KCNQ1: variants seen among roughly 807,000 people sequenced by gnomAD.
KCNQ1 encodes the protein potassium voltage-gated channel subfamily Q member 1, also known as potassium voltage-gated channel subfamily KQT member 1.
In KCNQ1, 49 loss-of-function variants were observed where a neutral mutation model predicts 72.4. The ratio of observed to expected loss-of-function variants is 0.68; its 90% confidence interval spans 0.54 to 0.86. The LOEUF is 0.86. KCNQ1 is among the 40% of genes least tolerant of loss of function. The probability of loss-of-function intolerance (pLI) is 0.00; values close to 1 mark genes in which losing one functional copy is unlikely to be tolerated. For synonymous variants in KCNQ1, 450 were observed against 412.6 expected (o/e 1.09, Z -1.10); for missense variants, 790 against 945.1 (o/e 0.84, Z 2.15).
In KCNQ1 at chr11:2,612,537, T is replaced by C. The variant is rs2133792641; in HGVS notation, c.1393+23683T>C. 7 of 398,638 alleles carry C rather than the reference T, an allele frequency of 1.8e-5. No homozygotes were observed. Among genetic ancestry groups the C allele is most frequent in the Non-Finnish European group, 3.1e-5 (7 of 226,056 alleles). 24.7% of individuals were successfully genotyped at this position (398,638 alleles called of 1,614,324 possible). A position where few individuals can be genotyped will look rare whatever the true frequency, so the allele number is the denominator to read the frequency against. On this transcript the variant is annotated intron_variant, in intron 10 of 15. Coordinates refer to ENST00000155840, the MANE Select transcript of KCNQ1 (RefSeq NM_000218.3). This position sits in a 1 kb window ranked among gnomAD's most constrained non-coding sequence, Gnocchi z 5.5. The stretch of plus-strand genomic sequence containing the variant: ...GGTCAAATTTGCTTAGCCGCACTAG[T>C]GAGTTTTTCACCTAAGTTATTATAT...
At chr11:2,555,260 G>A (rs1335819323) in intron 2 of KCNQ1, among the ~76,000 whole-genome samples, 2 of 152,148 alleles carry the variant, frequency 1.3e-5, no homozygotes, top group Non-Finnish European at 2.9e-5. Flanking sequence ...TAGAAGCTTC[G>A]GCTCCTGGCA....
intron 6 of KCNQ1, among the ~76,000 whole-genome samples, chr11:2,576,937 G>C (rs567301101): frequency 6.6e-6 from 1 of 152,220 alleles, no homozygotes; most frequent in Non-Finnish European, 1.5e-5. Flanking sequence ...CTGCCCTACT[G>C]AGTGGGCCTG....
At chr11:2,472,029 TGTG>T (rs1444805716) in intron 1 of KCNQ1, among the ~76,000 whole-genome samples, 1 of 149,862 alleles carries the variant, frequency 6.7e-6, no homozygotes, top group Non-Finnish European at 1.5e-5. Context: ...TATGTATGGT[TGTG>T]TGTGTATAGG....
At chr11:2,727,501 G>A (rs1018297216) in intron 11 of KCNQ1, among the ~76,000 whole-genome samples, 1 of 152,208 alleles carries the variant, frequency 6.6e-6, no homozygotes, top group African/African-American at 2.4e-5. Flanking sequence ...AAGAGGAGGA[G>A]GAGGTTGCCT....
At position 2,777,625 on chromosome 11, in the gene KCNQ1, G is replaced by T. The variant is rs536945912; in HGVS notation, c.1733-351G>T. On this transcript the variant is annotated intron_variant, in intron 14 of 15. Transcript: ENST00000155840. ...GGCTGGTGTAACGGAGCAGCGGAAT[G>T]GCTGTGCCCCCAGCCTGGAGTCAGG... 23 of 580,264 alleles carry T rather than the reference G, an allele frequency of 4.0e-5. No homozygotes were observed. The East Asian group carries it at 5.4e-4, about 14-fold the overall frequency. 35.9% of individuals were successfully genotyped at this position (580,264 alleles called of 1,614,324 possible). A position where few individuals can be genotyped will look rare whatever the true frequency, so the allele number is the denominator to read the frequency against.
intron 10 of KCNQ1, chr11:2,615,778 G>C: frequency 2.5e-6 from 1 of 397,852 alleles, no homozygotes; most frequent in African/African-American, 2.1e-5. Context: ...TGCTGAATTT[G>C]GCTTACTAGT....
chr11:2,683,218 G>C lies in KCNQ1; in HGVS notation c.1514+21137G>C, dbSNP rs966822862. 2.5e-6 allele frequency: 1 copy of C among 398,554 alleles called. No individual in the cohort carries two copies. Among genetic ancestry groups the C allele is most frequent in the Non-Finnish European group, 4.4e-6 (1 of 226,102 alleles). The allele number at this position is 398,554 out of a possible 1,614,324, so 24.7% of individuals were successfully genotyped here. ...CAGCTCATGCATTGTGATGGAACTA[G>C]AGGTGAGATACAGAGCAGGAGTCCA... On this transcript the variant is annotated intron_variant, in intron 11 of 15. Transcript: ENST00000155840. This position sits in a 1 kb window ranked among gnomAD's most constrained non-coding sequence, Gnocchi z 4.7.
In KCNQ1 at chr11:2,785,057, T is replaced by A. The variant is rs945400491; in HGVS notation, c.1794+7020T>A. Among the ~76,000 whole-genome samples, 2 of 152,036 alleles carry A rather than the reference T, an allele frequency of 1.3e-5. No homozygotes were observed. The highest frequency in any genetic ancestry group is 6.5e-5 in the Admixed American group (1 of 15,276). On this transcript the variant is annotated intron_variant, in intron 15 of 15. Coordinates refer to ENST00000155840, the MANE Select transcript of KCNQ1 (RefSeq NM_000218.3). This position sits in a 1 kb window ranked among gnomAD's most constrained non-coding sequence, Gnocchi z 4.4. ...GCACTGGCTTGAACTTCAAAAAAAA[T>A]ATTGACTAGAAGTGCTAGAGCAGAT... is the stretch of plus-strand genomic sequence containing the variant.
chr11:2,630,007 G>T, intron 10 of KCNQ1: 1 of 397,122 alleles, frequency 2.5e-6, no homozygotes, highest in Non-Finnish European at 4.4e-6. Context: ...CATCTTAGAG[G>T]AGAGGCATTC....
intron 15 of KCNQ1, among the ~76,000 whole-genome samples, chr11:2,801,844 C>T (rs185055890): frequency 1.8e-3 from 267 of 152,338 alleles, no homozygotes; most frequent in African/African-American, 6.3e-3. Context: ...CCAGGGAAGA[C>T]CAGCAGTGAC....
At chr11:2,786,654 C>T (rs1456377090) in intron 15 of KCNQ1, among the ~76,000 whole-genome samples, 1 of 150,720 alleles carries the variant, frequency 6.6e-6, no homozygotes, top group Non-Finnish European at 1.5e-5. Context: ...CTAGTTGTTT[C>T]TTTGACTGTG....
intron 11 of KCNQ1, among the ~76,000 whole-genome samples, chr11:2,749,591 C>T (rs1343376824): frequency 1.5e-5 from 2 of 132,600 alleles, no homozygotes; most frequent in African/African-American, 2.8e-5. Context: ...GGGCGGATCA[C>T]GAGGTCAGGA....
chr11:2,566,447 C>G lies in KCNQ1; in HGVS notation c.478-4181C>G, dbSNP rs935203710. On this transcript the variant is annotated intron_variant, in intron 2 of 15. Transcript: ENST00000155840. This position sits in a 1 kb window ranked among gnomAD's most constrained non-coding sequence, Gnocchi z 6.7. ...CTCCCCTAAGCTGCGGGTGACCTGA[C>G]CTAGTTGAGCCTGGCTTTCCTCCTC... 3.3e-5 allele frequency among the ~76,000 whole-genome samples: 5 copies of G among 152,170 alleles called. No individual in the cohort carries two copies. The highest frequency in any genetic ancestry group is 1.2e-4 in the African/African-American group (5 of 41,444).
chr11:2,568,817 AC>A (rs946759377), intron 2 of KCNQ1, among the ~76,000 whole-genome samples: 2 of 149,012 alleles, frequency 1.3e-5, no homozygotes, highest in East Asian at 2.0e-4. Flanking sequence ...TGGGACCCAC[AC>A]CCCCCCCATG....
In KCNQ1 at chr11:2,582,011, T is replaced by C. The variant is rs1024143265; in HGVS notation, c.922-1424T>C. Reference sequence around the variant, plus strand: ...ATAAGCGAACGTGCGGTCAGGGCACTAGTGGGGCAGGGGCCTGGGTGGCGG... The same window carrying C: ...ATAAGCGAACGTGCGGTCAGGGCACCAGTGGGGCAGGGGCCTGGGTGGCGG... On this transcript the variant is annotated intron_variant, in intron 6 of 15. Transcript: ENST00000155840. Among the ~76,000 whole-genome samples, 3 of 152,132 alleles carry C rather than the reference T, an allele frequency of 2.0e-5. No individual in the cohort carries two copies. In the East Asian group the frequency reaches 5.8e-4, roughly 29 times the overall value.
chr11:2,846,325 C>G (rs1848328441), intron 15 of KCNQ1, among the ~76,000 whole-genome samples: 1 of 152,198 alleles, frequency 6.6e-6, no homozygotes, highest in South Asian at 2.1e-4. Context: ...TGCTGTTCAG[C>G]CCTTATCGCG....
intron 1 of KCNQ1, among the ~76,000 whole-genome samples, chr11:2,513,812 C>A (rs1023142373): frequency 1.3e-5 from 2 of 152,238 alleles, no homozygotes; most frequent in Non-Finnish European, 2.9e-5. Flanking sequence ...GAGAAGCCCT[C>A]CCTTATTGCC....
intron 10 of KCNQ1, chr11:2,636,329 A>G (rs1849464176): frequency 6.6e-6 from 1 of 151,896 alleles, no homozygotes; most frequent in African/African-American, 2.4e-5. Flanking sequence ...GTTTGTCATA[A>G]ATAGCTCTTA....
At chr11:2,568,651 C>T (rs950012859) in intron 2 of KCNQ1, among the ~76,000 whole-genome samples, 6 of 152,208 alleles carry the variant, frequency 3.9e-5, no homozygotes, top group African/African-American at 9.6e-5. Context: ...TTCCTTCATT[C>T]GTTCATTCAG....
Sources: gnomAD v4.1 joint callset for allele counts (sites outside exome capture counted in the v4.1 genomes callset) on GRCh38, gnomAD v4.1.1 for gene constraint, Gnocchi (gnomAD v3.1) non-coding constraint, MANE v1.5 for transcripts, NCBI Gene and HGNC (gene_info 2026-07-23, HGNC 2026-07-21) for gene names.